PRKCE: variants seen among roughly 807,000 people sequenced by gnomAD.
The protein encoded by PRKCE is protein kinase C epsilon type.
A neutral mutation model predicts 85.4 loss-of-function variants in PRKCE; 16 were observed. The observed-to-expected ratio is 0.19, with a 90% CI of 0.13 to 0.28. PRKCE has a LOEUF of 0.28. Ranked by LOEUF, PRKCE falls within the 10% of genes least tolerant of loss-of-function variation. PRKCE has a pLI of 1.00. For missense variants in PRKCE, 573 were observed against 975.2 expected (o/e 0.59, Z 5.49); for synonymous variants, 388 against 371.5 (o/e 1.04, Z -0.51).
At chr2:46,053,768 GT>G (rs1373199116) in intron 10 of PRKCE, among the ~76,000 whole-genome samples, 18 of 152,016 alleles carry the variant, frequency 1.2e-4, no homozygotes, top group African/African-American at 3.9e-4. Flanking sequence ...GGACACGTGG[GT>G]GGACACGTGG....
intron 12 of PRKCE, among the ~76,000 whole-genome samples, chr2:46,148,771 G>C (rs1438124978): frequency 6.6e-6 from 1 of 152,246 alleles, no homozygotes; most frequent in Non-Finnish European, 1.5e-5. Flanking sequence ...CGACGTAGTG[G>C]TATGTGGAAA....
intron 2 of PRKCE, among the ~76,000 whole-genome samples, chr2:45,974,735 C>T (rs1418670611): frequency 6.6e-6 from 1 of 152,140 alleles, no homozygotes; most frequent in Non-Finnish European, 1.5e-5. Context: ...CAGAGAGGTC[C>T]AGGAGGGATC....
chr2:46,154,562 G>A (rs986354596), intron 13 of PRKCE, among the ~76,000 whole-genome samples: 1 of 150,754 alleles, frequency 6.6e-6, no homozygotes, highest in Non-Finnish European at 1.5e-5. Context: ...ACATTCACTG[G>A]CTCAGCCAAG....
intron 5 of PRKCE, among the ~76,000 whole-genome samples, chr2:45,983,238 G>A (rs1034708165): frequency 6.6e-6 from 1 of 152,276 alleles, no homozygotes; most frequent in South Asian, 2.1e-4. Context: ...TCATGCTTGC[G>A]TTCAAGTCGA....
Position 45,794,051 on chromosome 2 carries a change from G to A in PRKCE, c.349-48949G>A, listed in dbSNP as rs564310606. ...AGCCCTAAAACCTTGCCTTATTATC[G>A]TGGGGCAGCCGCCCTGGGACCCCAG... On this transcript the variant is annotated intron_variant, in intron 1 of 14. Transcript: ENST00000306156. Among the ~76,000 whole-genome samples the A allele has an allele frequency of 5.9e-5, 9 of 152,244 alleles. No individual in the cohort carries two copies. In the South Asian group the frequency reaches 1.7e-3, roughly 28 times the overall value.
At chr2:45,820,141 A>G (rs1487538134) in intron 1 of PRKCE, among the ~76,000 whole-genome samples, 1 of 152,236 alleles carries the variant, frequency 6.6e-6, no homozygotes, top group Non-Finnish European at 1.5e-5. Flanking sequence ...TAATGGAAAC[A>G]TCACGGCGCA....
intron 1 of PRKCE, among the ~76,000 whole-genome samples, chr2:45,703,407 A>G (rs1188912135): frequency 6.6e-6 from 1 of 152,010 alleles, no homozygotes; most frequent in Non-Finnish European, 1.5e-5. Context: ...ACATGGTGGC[A>G]TGTACTTGTA....
chr2:45,975,098 G>A (rs1219623555), intron 2 of PRKCE, among the ~76,000 whole-genome samples: 1 of 152,142 alleles, frequency 6.6e-6, no homozygotes, highest in South Asian at 2.1e-4. Context: ...CTTCCCCACT[G>A]AGTAGCTGTG....
chr2:45,800,771 G>T (rs543982536), intron 1 of PRKCE, among the ~76,000 whole-genome samples: 1 of 152,200 alleles, frequency 6.6e-6, no homozygotes, highest in Non-Finnish European at 1.5e-5. Context: ...TAACAGTAGA[G>T]CTGGCTTCCT....
Position 45,868,998 on chromosome 2 carries a change from A to G in PRKCE, c.412+25935A>G, listed in dbSNP as rs112241621. On this transcript the variant is annotated intron_variant, in intron 2 of 14. Transcript: ENST00000306156. ...AGAAAAAAGAAAGAAAACGTAAATA[A>G]ATAAGTAGCTGGTAGAATTTCCAGC... Among the ~76,000 whole-genome samples, 11 of 151,930 alleles carry G rather than the reference A, an allele frequency of 7.2e-5. 1 individual carries two copies. The highest frequency in any genetic ancestry group is 2.2e-4 in the African/African-American group (9 of 41,462).
chr2:45,703,153 G>A (rs1285529971), intron 1 of PRKCE, among the ~76,000 whole-genome samples: 3 of 150,422 alleles, frequency 2.0e-5, no homozygotes, highest in Admixed American at 6.7e-5. Flanking sequence ...TCTGATGGCT[G>A]TTGTTATGTC....
intron 10 of PRKCE, among the ~76,000 whole-genome samples, chr2:46,082,605 C>G (rs1284862391): frequency 6.6e-6 from 1 of 152,154 alleles, no homozygotes; most frequent in Admixed American, 6.5e-5. Flanking sequence ...GGACAAGATC[C>G]TCAGCAAGCA....
chr2:46,130,918 G>A (rs536194877), intron 11 of PRKCE, among the ~76,000 whole-genome samples: 1 of 152,344 alleles, frequency 6.6e-6, no homozygotes, highest in Non-Finnish European at 1.5e-5. Flanking sequence ...TCCATGACCT[G>A]AATCATAATT....
chr2:46,050,892 A>T (rs1167946910), intron 10 of PRKCE, among the ~76,000 whole-genome samples: 1 of 152,238 alleles, frequency 6.6e-6, no homozygotes, highest in East Asian at 1.9e-4. Context: ...CAATGGGCAG[A>T]AACATCTCTG....
chr2:45,805,208 A>T (rs912334174), intron 1 of PRKCE, among the ~76,000 whole-genome samples: 1 of 152,212 alleles, frequency 6.6e-6, no homozygotes, highest in Non-Finnish European at 1.5e-5. Context: ...TATCTTACAG[A>T]TGAGAAAACA....
intron 10 of PRKCE, among the ~76,000 whole-genome samples, chr2:46,029,707 G>A (rs2104937922): frequency 6.7e-6 from 1 of 149,284 alleles, no homozygotes; most frequent in South Asian, 2.1e-4. Flanking sequence ...TTGTGGGAAA[G>A]CTTTTCATAC....
chr2:46,084,786 C>A (rs1048885091), intron 10 of PRKCE, among the ~76,000 whole-genome samples: 1 of 151,364 alleles, frequency 6.6e-6, no homozygotes, highest in Non-Finnish European at 1.5e-5. Context: ...CCATTTACTT[C>A]GCTAACCTTC....
intron 1 of PRKCE, among the ~76,000 whole-genome samples, chr2:45,680,339 C>T (rs1676791486): frequency 6.6e-6 from 1 of 152,222 alleles, no homozygotes; most frequent in African/African-American, 2.4e-5. Context: ...AAGCATACAA[C>T]CGCTCTGTGT....
At chr2:46,149,192 C>T (rs553195254) in intron 12 of PRKCE, among the ~76,000 whole-genome samples, 26 of 152,306 alleles carry the variant, frequency 1.7e-4, no homozygotes, top group African/African-American at 6.0e-4. Flanking sequence ...AATTCAGCCT[C>T]CTCTTCCCTG....
Sources: allele counts gnomAD v4.1 joint callset (sites outside exome capture counted in the v4.1 genomes callset), GRCh38; gene constraint gnomAD v4.1.1; transcripts MANE v1.5; gene names NCBI Gene and HGNC (gene_info 2026-07-23, HGNC 2026-07-21).